The following CEP112 variants were observed in gnomAD, a reference collection of about 807,000 sequenced individuals.
CEP112 encodes the protein centrosomal protein of 112 kDa.
Under a neutral mutation model 153.0 loss-of-function variants are expected in CEP112, and 127 were observed. The observed-to-expected ratio is 0.83, with a 90% CI of 0.72 to 0.96. The LOEUF is 0.96. Ranked by LOEUF, CEP112 falls within the 40% of genes least tolerant of loss-of-function variation. The probability of loss-of-function intolerance (pLI) is 0.00; values close to 1 mark genes in which losing one functional copy is unlikely to be tolerated. For synonymous variants in CEP112, 358 were observed against 374.4 expected (o/e 0.96, Z 0.51); for missense variants, 1,089 against 1,101.2 (o/e 0.99, Z 0.16).
chr17:65,956,951 C>T (rs2062024077), intron 18 of CEP112, among the ~76,000 whole-genome samples: 1 of 152,044 alleles, frequency 6.6e-6, no homozygotes, highest in African/African-American at 2.4e-5. Context: ...TGCTATATAG[C>T]TGCATTGTAT....
chr17:65,987,882 T>C (rs1185182848), intron 17 of CEP112, among the ~76,000 whole-genome samples: 1 of 152,134 alleles, frequency 6.6e-6, no homozygotes, highest in Non-Finnish European at 1.5e-5. Flanking sequence ...TCCAACATAT[T>C]GGGTTCCCTG....
At chr17:65,677,554 A>T (rs1598286402) in intron 24 of CEP112, among the ~76,000 whole-genome samples, 3 of 152,200 alleles carry the variant, frequency 2.0e-5, no homozygotes, top group East Asian at 3.9e-4. Context: ...TGTCTGTTGC[A>T]TTGAAAAATC....
At chr17:65,783,694 CA>C (rs1364539937) in intron 21 of CEP112, among the ~76,000 whole-genome samples, 1 of 152,136 alleles carries the variant, frequency 6.6e-6, no homozygotes, top group African/African-American at 2.4e-5. Flanking sequence ...TGTTTGAAAG[CA>C]ATAAGTATGA....
intron 8 of CEP112, among the ~76,000 whole-genome samples, chr17:66,093,184 TTA>T (rs146566308): frequency 2.0e-5 from 3 of 151,332 alleles, no homozygotes; most frequent in African/African-American, 2.4e-5. Context: ...AAAAATAAAA[TTA>T]TATATATATA....
intron 18 of CEP112, among the ~76,000 whole-genome samples, chr17:65,947,899 T>C (rs760726994): frequency 6.6e-6 from 1 of 152,130 alleles, no homozygotes; most frequent in Non-Finnish European, 1.5e-5. Context: ...CTTAAAAGGC[T>C]GATTTAAAAT....
intron 24 of CEP112, among the ~76,000 whole-genome samples, chr17:65,647,321 G>A (rs1301934380): frequency 1.3e-5 from 2 of 151,778 alleles, no homozygotes; most frequent in Non-Finnish European, 2.9e-5. Flanking sequence ...TTATAGGCAT[G>A]CACCACCATT....
chr17:65,722,775 T>G (rs536549657), intron 23 of CEP112, among the ~76,000 whole-genome samples: 2 of 152,318 alleles, frequency 1.3e-5, no homozygotes, highest in Admixed American at 1.3e-4. Context: ...AAAACTGCCA[T>G]TTAGAAGAAA....
chr17:65,749,858 G>GTATA (rs148500615), intron 22 of CEP112, among the ~76,000 whole-genome samples: 5,467 of 148,662 alleles, frequency 0.037, 320 homozygotes, highest in African/African-American at 0.13. Context: ...AAATACCACT[G>GTATA]TATATATATA....
chr17:65,645,918 C>A (rs1395351603), intron 24 of CEP112, among the ~76,000 whole-genome samples: 1 of 152,194 alleles, frequency 6.6e-6, no homozygotes, highest in Non-Finnish European at 1.5e-5. Context: ...CACAGCTATG[C>A]TTTGGTTTTG....
chr17:66,183,149 GAA>G, intron 2 of CEP112, 43 bp downstream of exon 2: 1 of 1,335,116 alleles, frequency 7.5e-7, no homozygotes, highest in Non-Finnish European at 1.0e-6. Flanking sequence ...ATAATATAAA[GAA>G]AAAAATTAAT....
intron 4 of CEP112, among the ~76,000 whole-genome samples, chr17:66,161,140 C>A (rs2071684305): frequency 6.6e-6 from 1 of 152,200 alleles, no homozygotes. Flanking sequence ...GAGATACCAT[C>A]TCACACCAGT....
chr17:65,853,166 T>A (rs1422869644), intron 20 of CEP112, among the ~76,000 whole-genome samples: 1 of 152,152 alleles, frequency 6.6e-6, no homozygotes, highest in Admixed American at 6.6e-5. Context: ...AGTCTTAAAA[T>A]CAAGGTGTTG....
intron 21 of CEP112, among the ~76,000 whole-genome samples, chr17:65,787,977 C>T (rs1408036947): frequency 6.6e-6 from 1 of 152,164 alleles, no homozygotes; most frequent in African/African-American, 2.4e-5. Context: ...GATTAACGGG[C>T]ACCCTTCTCC....
rs187315015 is a variant in CEP112, at chr17:66,169,475, G to A, written c.470+5569C>T. 1.3e-3 allele frequency among the ~76,000 whole-genome samples: 199 copies of A among 151,830 alleles called. 5 individuals are homozygous for A. In the East Asian group the frequency reaches 0.035, roughly 27 times the overall value. On this transcript the variant is annotated intron_variant, in intron 4 of 26. Transcript: ENST00000535342. ...ATTTTTTTGTATTTTTAGTAGAGAC[G>A]GGGTTTCACCATATTGGCCAAGCTG...
At chr17:66,086,380 C>CTTTTCTTTTTTTTTT (rs2067931452) in intron 8 of CEP112, among the ~76,000 whole-genome samples, 1 of 67,026 alleles carries the variant, frequency 1.5e-5, no homozygotes, top group African/African-American at 6.4e-5. Context: ...ATTTTCTTTT[C>CTTTTCTTTTTTTTTT]TTTTTTTTTT....
At chr17:66,014,171 G>C (rs1365200651) in intron 16 of CEP112, among the ~76,000 whole-genome samples, 1 of 152,190 alleles carries the variant, frequency 6.6e-6, no homozygotes, top group Admixed American at 6.5e-5. Context: ...AGTGCTTGCT[G>C]GTAAAGCAGC....
intron 21 of CEP112, among the ~76,000 whole-genome samples, chr17:65,765,922 C>T (rs1291945411): frequency 1.3e-5 from 2 of 151,746 alleles, no homozygotes; most frequent in African/African-American, 4.8e-5. Context: ...TGTGAAGACA[C>T]CAATTCAGAA....
At chr17:66,133,640 T>C (rs2070301999) in intron 4 of CEP112, among the ~76,000 whole-genome samples, 1 of 152,172 alleles carries the variant, frequency 6.6e-6, no homozygotes, top group East Asian at 1.9e-4. Flanking sequence ...ACCACTTCAA[T>C]GCAAGTCCCA....
intron 23 of CEP112, among the ~76,000 whole-genome samples, chr17:65,730,253 T>TA (rs990811447): frequency 1.2e-4 from 19 of 152,156 alleles, no homozygotes; most frequent in East Asian, 1.2e-3. Flanking sequence ...AGCTTTGGGG[T>TA]AAAAAAAACT....
Sources: gnomAD v4.1 joint callset for allele counts (sites outside exome capture counted in the v4.1 genomes callset) on GRCh38, gnomAD v4.1.1 for gene constraint, MANE v1.5 for transcripts, NCBI Gene and HGNC (gene_info 2026-07-23, HGNC 2026-07-21) for gene names.